The following PRKCH variants were observed in gnomAD, a reference collection of about 807,000 sequenced individuals.
The protein encoded by PRKCH is protein kinase C eta, also known as protein kinase C eta type.
Under a neutral mutation model 82.5 loss-of-function variants are expected in PRKCH, and 28 were observed. The observed-to-expected ratio is 0.34, with a 90% CI of 0.25 to 0.47. The LOEUF (loss-of-function observed/expected upper bound fraction) is 0.47. Ranked by LOEUF, PRKCH falls within the 20% of genes least tolerant of loss-of-function variation. The pLI, the probability that PRKCH is intolerant of heterozygous loss-of-function variation, is 1.00. For synonymous variants in PRKCH, 322 were observed against 327.4 expected, an observed-to-expected ratio of 0.98 and a Z score of 0.18; for missense variants, 705 against 881.8, an observed-to-expected ratio of 0.80 and a Z score of 2.54.
At chr14:61,220,233 C>A (rs2044645170) in intron 1 of PRKCH, among the ~76,000 whole-genome samples, 1 of 152,188 alleles carries the variant, frequency 6.6e-6, no homozygotes, top group South Asian at 2.1e-4. Flanking sequence ...CGCCTTCATC[C>A]AAGGACATCT....
intron 1 of PRKCH, among the ~76,000 whole-genome samples, chr14:61,214,502 G>A (rs935516026): frequency 6.6e-6 from 1 of 151,884 alleles, no homozygotes; most frequent in Non-Finnish European, 1.5e-5. Flanking sequence ...CTGTCAGCTC[G>A]GGATGCTATG....
chr14:61,347,982 A>G (rs951016386), intron 1 of PRKCH: 1 of 152,516 alleles, frequency 6.6e-6, no homozygotes, highest in African/African-American at 2.4e-5. Context: ...GGTTTCTCCA[A>G]GCTGATTCTT....
chr14:61,232,774 C>G (rs951420167), intron 1 of PRKCH, among the ~76,000 whole-genome samples: 3 of 152,040 alleles, frequency 2.0e-5, no homozygotes, highest in Non-Finnish European at 2.9e-5. Flanking sequence ...AACTTTAAGC[C>G]CTCTCCCTTC....
chr14:61,338,187 T>C (rs2045883094), intron 1 of PRKCH, among the ~76,000 whole-genome samples: 1 of 152,006 alleles, frequency 6.6e-6, no homozygotes, highest in Non-Finnish European at 1.5e-5. Flanking sequence ...ACCCCCAGCC[T>C]CCCCCACCAC....
chr14:61,295,680 A>G (rs1344431650), intron 1 of PRKCH, among the ~76,000 whole-genome samples: 1 of 152,184 alleles, frequency 6.6e-6, no homozygotes, highest in African/African-American at 2.4e-5. Flanking sequence ...AACCTTATCC[A>G]TAGGTGATTC....
chr14:61,417,338 A>G (rs993574723), intron 2 of PRKCH, among the ~76,000 whole-genome samples: 3 of 152,090 alleles, frequency 2.0e-5, no homozygotes, highest in African/African-American at 7.2e-5. Context: ...GGTCTAACTG[A>G]AAGCACCTGA....
At chr14:61,376,965 A>G (rs968554981) in intron 1 of PRKCH, among the ~76,000 whole-genome samples, 5 of 152,164 alleles carry the variant, frequency 3.3e-5, no homozygotes, top group East Asian at 3.8e-4. Flanking sequence ...TAGAGGTGTA[A>G]TGAAATTTGC....
At chr14:61,292,476 C>T (rs948894187) in intron 1 of PRKCH, among the ~76,000 whole-genome samples, 1 of 151,550 alleles carries the variant, frequency 6.6e-6, no homozygotes, top group African/African-American at 2.4e-5. Flanking sequence ...GACCCTGTCT[C>T]AAAAAAAGAC....
At chr14:61,256,206 C>T (rs2044996558) in intron 1 of PRKCH, among the ~76,000 whole-genome samples, 1 of 152,202 alleles carries the variant, frequency 6.6e-6, no homozygotes, top group East Asian at 1.9e-4. Context: ...TGAAAAATAC[C>T]AAGACAGATA....
intron 1 of PRKCH, among the ~76,000 whole-genome samples, chr14:61,290,110 G>A (rs901163188): frequency 2.0e-5 from 3 of 152,062 alleles, no homozygotes; most frequent in African/African-American, 7.2e-5. Context: ...TGGCCAATAT[G>A]GTGAAACCCT....
chr14:61,201,010 A>T (rs1307120457), intron 1 of PRKCH, among the ~76,000 whole-genome samples: 1 of 152,166 alleles, frequency 6.6e-6, no homozygotes, highest in African/African-American at 2.4e-5. Flanking sequence ...ACAAAAAATC[A>T]TGGTTTAAAC....
At position 61,535,689 on chromosome 14, in the gene PRKCH, A is replaced by G. The variant is rs2043098894; in HGVS notation, c.1761+5094A>G. Among the ~76,000 whole-genome samples the G allele has an allele frequency of 4.6e-5, 7 of 152,384 alleles. No individual in the cohort carries two copies. The South Asian group carries it at 1.4e-3, about 32-fold the overall frequency. On this transcript the variant is annotated intron_variant, in intron 12 of 13. Transcript: ENST00000332981. Reference sequence around the variant, plus strand: ...CAACGTAAGTCTTTGAAGAATTCCAAGCAAGCATGAGTGATGCAATCACTA... The same window carrying G: ...CAACGTAAGTCTTTGAAGAATTCCAGGCAAGCATGAGTGATGCAATCACTA...
At chr14:61,453,503 T>G in intron 7 of PRKCH, 150 bp downstream of exon 7, 1 of 780,326 alleles carries the variant, frequency 1.3e-6, no homozygotes, top group Non-Finnish European at 1.8e-6. Context: ...TTTCTCTTTC[T>G]TTCTTTCTTT....
At chr14:61,263,003 G>C (rs1455253009) in intron 1 of PRKCH, among the ~76,000 whole-genome samples, 1 of 152,008 alleles carries the variant, frequency 6.6e-6, no homozygotes, top group African/African-American at 2.4e-5. Context: ...CATATTCCTT[G>C]GTTCATGACA....
intron 2 of PRKCH, among the ~76,000 whole-genome samples, chr14:61,416,871 G>A (rs912621): frequency 0.2 from 30,601 of 152,098 alleles, 3,455 homozygotes; most frequent in Admixed American, 0.34. Context: ...GTAGTCCAGA[G>A]TAGTGGAAGG....
chr14:61,419,107 G>A (rs11850051), intron 2 of PRKCH, among the ~76,000 whole-genome samples: 87,621 of 152,076 alleles, frequency 0.58, 27,832 homozygotes, highest in Non-Finnish European at 0.72. Flanking sequence ...TAGAAATAAA[G>A]ACAGAGTCTT....
chr14:61,276,281 C>G (rs1165099224), intron 1 of PRKCH, among the ~76,000 whole-genome samples: 1 of 151,476 alleles, frequency 6.6e-6, no homozygotes, highest in East Asian at 1.9e-4. Flanking sequence ...TCAGCCAGCT[C>G]TGTTTTAGGT....
chr14:61,292,879 G>A (rs1484531611), intron 1 of PRKCH, among the ~76,000 whole-genome samples: 1 of 151,138 alleles, frequency 6.6e-6, no homozygotes, highest in Non-Finnish European at 1.5e-5. Context: ...CCAGGAGTTC[G>A]AGACAAGCCT....
intron 10 of PRKCH, among the ~76,000 whole-genome samples, chr14:61,520,074 C>CAAAAAAAAAAAAAAAAA (rs71992585): frequency 1.0e-5 from 1 of 97,430 alleles, no homozygotes. Context: ...CTACAGAAAC[C>CAAAAAAAAAAAAAAAAA]AAAAAAAAAA....
Sources: allele counts gnomAD v4.1 joint callset (sites outside exome capture counted in the v4.1 genomes callset), GRCh38; gene constraint gnomAD v4.1.1; transcripts MANE v1.5; gene names NCBI Gene and HGNC (gene_info 2026-07-23, HGNC 2026-07-21).